FAM120AOS: variants seen among roughly 807,000 people sequenced by gnomAD.
The protein encoded by FAM120AOS is uncharacterized protein FAM120AOS.
In FAM120AOS, 15 loss-of-function variants were observed where a neutral mutation model predicts 20.2. The observed-to-expected ratio is 0.74, with a 90% CI of 0.50 to 1.15. FAM120AOS has a LOEUF of 1.15. Among genes scored for constraint, FAM120AOS ranks in the 50% most tolerant of loss-of-function variants. The pLI is 0.00. For synonymous variants in FAM120AOS, 154 were observed against 154.0 expected (o/e 1.00, Z 0.00); for missense variants, 327 against 351.9 (o/e 0.93, Z 0.57).
chr9:93,450,728 C>A (rs1290461171), intron 1 of FAM120AOS, 129 bp from the exon 2 acceptor site: 2 of 1,393,552 alleles, frequency 1.4e-6, no homozygotes, highest in Non-Finnish European at 2.0e-6. Context: ...TTTATGCAAG[C>A]CTAATATACA....
rs778765910 is a variant in FAM120AOS at position 93,447,566 on chromosome 9, G to T, written c.*45C>A. ...CCCTCACACGATGGGTATCAGGGTGGTTTCTTGTCCTTTCAATGCCTCTGC... is the reference window on the plus strand; with the variant it reads ...CCCTCACACGATGGGTATCAGGGTGTTTTCTTGTCCTTTCAATGCCTCTGC... On this transcript the variant is annotated 3_prime_UTR_variant, in exon 3 of 3. Transcript: ENST00000375412. 4 of 1,563,356 alleles carry T rather than the reference G, an allele frequency of 2.6e-6. No homozygotes were observed. In the East Asian group the frequency reaches 9.0e-5, roughly 35 times the overall value.
Position 93,450,625 on chromosome 9 carries a change from A to C in FAM120AOS, c.564-26T>G, listed in dbSNP as rs774165687. On this transcript the variant is annotated intron_variant, in intron 1 of 2. Transcript: ENST00000375412. Reference sequence around the variant, plus strand: ...CTCCAAAAAAAGAACAAATGGAGAGATGAAGGTAAGTAAAAGCGGCACTTT... The same window carrying C: ...CTCCAAAAAAAGAACAAATGGAGAGCTGAAGGTAAGTAAAAGCGGCACTTT... 1 of 1,608,812 alleles carries C rather than the reference A, an allele frequency of 6.2e-7. No homozygotes were observed. The highest frequency in any genetic ancestry group is 1.1e-5 in the South Asian group (1 of 90,548).
chr9:93,450,867 G>C (rs1857122990), intron 1 of FAM120AOS: 2 of 912,680 alleles, frequency 2.2e-6, no homozygotes, highest in South Asian at 1.4e-5. Flanking sequence ...GAAGAGCTGG[G>C]AGATCCACTG....
chr9:93,444,330 G>A lies in FAM120AOS; in HGVS notation c.*3281C>T, dbSNP rs978110491. Among the ~76,000 whole-genome samples, 7 of 152,226 alleles carry A rather than the reference G, an allele frequency of 4.6e-5. No individual in the cohort carries two copies. The highest frequency in any genetic ancestry group is 1.2e-4 in the African/African-American group (5 of 41,536). On this transcript the variant is annotated 3_prime_UTR_variant, in exon 3 of 3. Coordinates refer to ENST00000375412, the MANE Select transcript of FAM120AOS (RefSeq NM_198841.4). The stretch of plus-strand genomic sequence containing the variant: ...GCTGGGATGACAGGCGTGAGCCACC[G>A]TGTCCAGCCTGACTAGGGTCATCTT...
chr9:93,452,138 C>T lies in FAM120AOS; in HGVS notation c.563+9G>A, dbSNP rs1461832158. The T allele has an allele frequency of 1.2e-6, 2 of 1,611,622 alleles. No individual in the cohort carries two copies. Among genetic ancestry groups the T allele is most frequent in the Non-Finnish European group, 1.7e-6 (2 of 1,179,770 alleles). On this transcript the variant is annotated intron_variant, in intron 1 of 2. Transcript: ENST00000375412. The surrounding 1 kb of genome is among the most constrained non-coding windows in gnomAD (Gnocchi z 7.0). ...CAGCGGCGGCCAGTGGAACCACATG[C>T]TTGGCTACCTGGCGGCGCTGGCCAA...
Position 93,450,545 on chromosome 9 carries a change from C to A in FAM120AOS, c.618G>T (p.Leu206=). The change falls in exon 2 of 3, where the codon CTG becomes CTT. Residue 206 remains leucine, a synonymous_variant. Coordinates refer to ENST00000375412, the MANE Select transcript of FAM120AOS (RefSeq NM_198841.4). The part of the protein sequence containing the change: ...CNRQAVAGQL[L]PSTWSLHAHG... The stretch of plus-strand genomic sequence containing the variant: ...GCGCGTGCAGGCTCCATGTGCTGGG[C>A]AGCAGCTGTCCGGCCACAGCCTGTC... The A allele has an allele frequency of 6.2e-7, 1 of 1,607,196 alleles. No homozygotes were observed. The highest frequency in any genetic ancestry group is 8.5e-7 in the Non-Finnish European group (1 of 1,176,310).
chr9:93,443,627 C>T lies in FAM120AOS; in HGVS notation c.*3984G>A, dbSNP rs115557799. 1.0e-3 allele frequency among the ~76,000 whole-genome samples: 159 copies of T among 152,290 alleles called. 1 individual carries two copies. The highest frequency in any genetic ancestry group is 3.6e-3 in the African/African-American group (151 of 41,558). On this transcript the variant is annotated 3_prime_UTR_variant, in exon 3 of 3. Transcript: ENST00000375412. ...CCTCGTTAGCCTTAGTCTGCAGGTC[C>T]TGCGTTGCCTTCTGTTTGGTGGTGG...
intron 1 of FAM120AOS, chr9:93,451,464 C>A: frequency 1.8e-6 from 2 of 1,129,602 alleles, no homozygotes; most frequent in Non-Finnish European, 2.2e-6. Context: ...CTCTGGCCTC[C>A]AGGCGCTGCC....
Position 93,443,373 on chromosome 9 carries a change from C to T in FAM120AOS, c.*4238G>A, listed in dbSNP as rs1856757010. ...TTATTGTTTCCTTATACATTTCTAA[C>T]AGTACAAGATTATCAATGTTTTGAC... is the stretch of plus-strand genomic sequence containing the variant. On this transcript the variant is annotated 3_prime_UTR_variant, in exon 3 of 3. Transcript: ENST00000375412. Among the ~76,000 whole-genome samples the T allele has an allele frequency of 6.6e-6, 1 of 152,050 alleles. No individual in the cohort carries two copies. Among genetic ancestry groups the T allele is most frequent in the African/African-American group, 2.4e-5 (1 of 41,388 alleles).
In FAM120AOS at chr9:93,445,016, C is replaced by T. The variant is rs921036349; in HGVS notation, c.*2595G>A. Among the ~76,000 whole-genome samples, 6 of 152,068 alleles carry T rather than the reference C, an allele frequency of 3.9e-5. No homozygotes were observed. The highest frequency in any genetic ancestry group is 3.2e-3 in the Middle Eastern group (1 of 316). ...TTAAATAAATGGAAAAAAAGACAAA[C>T]GGTACAAATTAAAAGTTCTTGAGAT... is the stretch of plus-strand genomic sequence containing the variant. On this transcript the variant is annotated 3_prime_UTR_variant, in exon 3 of 3. Transcript: ENST00000375412.
rs1278591997 is a variant in FAM120AOS, at chr9:93,446,612, C to T, written c.*999G>A. On this transcript the variant is annotated 3_prime_UTR_variant, in exon 3 of 3. Transcript: ENST00000375412. Reference sequence around the variant, plus strand: ...CTTAAGAGAGAATATATATACTCAACTGAGTACTGTCTTTCAAAGCAGTCC... The same window carrying T: ...CTTAAGAGAGAATATATATACTCAATTGAGTACTGTCTTTCAAAGCAGTCC... 6.6e-6 allele frequency: 1 copy of T among 152,138 alleles called. No individual in the cohort carries two copies. Among genetic ancestry groups the T allele is most frequent in the Non-Finnish European group, 1.5e-5 (1 of 68,032 alleles). 9.4% of individuals were successfully genotyped at this position (152,138 alleles called of 1,614,324 possible). A position where few individuals can be genotyped will look rare whatever the true frequency, so the allele number is the denominator to read the frequency against.
intron 1 of FAM120AOS, chr9:93,451,939 C>G: frequency 6.6e-7 from 1 of 1,522,468 alleles, no homozygotes; most frequent in Non-Finnish European, 8.8e-7. Flanking sequence ...GCTTCCAGGA[C>G]TACATCGAGA....
At position 93,446,167 on chromosome 9, in the gene FAM120AOS, CTCG is replaced by C. The variant is rs1856839833; in HGVS notation, c.*1441_*1443del. ...AGGCACTTTCATTCTTCCTGGAGCT[CTCG>C]TCAACCCTGACCTCTTCCTTTGTCA... On this transcript the variant is annotated 3_prime_UTR_variant, in exon 3 of 3. Coordinates refer to ENST00000375412, the MANE Select transcript of FAM120AOS (RefSeq NM_198841.4). 5.3e-5 allele frequency among the ~76,000 whole-genome samples: 8 copies of C among 152,198 alleles called. No homozygotes were observed. In the South Asian group the frequency reaches 1.7e-3, roughly 32 times the overall value.
At position 93,452,878 on chromosome 9, in the gene FAM120AOS, G is replaced by C. The variant is rs940306937; in HGVS notation, c.-169C>G. Reference sequence around the variant, plus strand: ...CTTGGGGGCTGCAAATATCAGTGCTGCTGCCGCCGCCCTTGCCAATGTTGT... The same window carrying C: ...CTTGGGGGCTGCAAATATCAGTGCTCCTGCCGCCGCCCTTGCCAATGTTGT... On this transcript the variant is annotated 5_prime_UTR_variant, in exon 1 of 3. Coordinates refer to ENST00000375412, the MANE Select transcript of FAM120AOS (RefSeq NM_198841.4). The surrounding 1 kb of genome is among the most constrained non-coding windows in gnomAD (Gnocchi z 7.0). The C allele has an allele frequency of 2.1e-5, 31 of 1,453,134 alleles. No homozygotes were observed. The highest frequency in any genetic ancestry group is 7.2e-5 in the South Asian group (5 of 69,804). The allele number at this position is 1,453,134 out of a possible 1,614,324, so 90.0% of individuals were successfully genotyped here.
chr9:93,450,522 G>C lies in FAM120AOS; in HGVS notation c.641C>G (p.Ala214Gly), dbSNP rs373071458. The C allele has an allele frequency of 5.0e-6, 8 of 1,602,196 alleles. No homozygotes were observed. The highest frequency in any genetic ancestry group is 5.1e-6 in the Non-Finnish European group (6 of 1,174,498). Residue 214 changes from alanine (A) to glycine (G), a missense_variant, in exon 2 of 3, where the codon GCG becomes GGG. By Grantham distance (60) the Ala-to-Gly change is moderately conservative. Transcript: ENST00000375412. ...QLLPSTWSLH[A>G]HGLAKEAPIL... The stretch of plus-strand genomic sequence containing the variant: ...GGGGGCTTCTTTGGCCAAACCGTGC[G>C]CGTGCAGGCTCCATGTGCTGGGCAG...
In FAM120AOS at chr9:93,452,556, G is replaced by A; in HGVS notation, c.154C>T (p.Arg52Trp). The A allele has an allele frequency of 1.9e-6, 3 of 1,584,306 alleles. No homozygotes were observed. The highest frequency in any genetic ancestry group is 1.7e-5 in the Admixed American group (1 of 57,150). ...RAWAARGLHP[R>W]PSILQPGPAR... ...GGGCCGGGCTGCAAGATGGATGGCCGCGGGTGCAGGCCGCGCGCTGCCCAA... is the reference window on the plus strand; with the variant it reads ...GGGCCGGGCTGCAAGATGGATGGCCACGGGTGCAGGCCGCGCGCTGCCCAA... Residue 52 changes from arginine to tryptophan, a missense_variant, in exon 1 of 3, where the codon CGG becomes TGG. Physicochemically the swap from Arg to Trp is moderately radical, Grantham distance 101. Transcript: ENST00000375412. This position sits in a 1 kb window ranked among gnomAD's most constrained non-coding sequence, Gnocchi z 7.0.
chr9:93,452,938 G>A lies in FAM120AOS; in HGVS notation c.-229C>T. The A allele has an allele frequency of 1.4e-6, 2 of 1,409,946 alleles. No individual in the cohort carries two copies. Among genetic ancestry groups the A allele is most frequent in the South Asian group, 1.5e-5 (1 of 64,580 alleles). The allele number at this position is 1,409,946 out of a possible 1,614,324, so 87.3% of individuals were successfully genotyped here. A position where few individuals can be genotyped will look rare whatever the true frequency, so the allele number is the denominator to read the frequency against. On this transcript the variant is annotated 5_prime_UTR_variant, in exon 1 of 3. Transcript: ENST00000375412. The surrounding 1 kb of genome is among the most constrained non-coding windows in gnomAD (Gnocchi z 7.0). ...GACAGCGAGACGTGTCTAAGGGCCA[G>A]TGCCCTGGCCTCTACTTCAGAACGC...
rs1015983979 is a variant in FAM120AOS, at chr9:93,453,122, T to G, written c.-413A>C. 9.9e-7 allele frequency: 1 copy of G among 1,011,488 alleles called. No individual in the cohort carries two copies. The highest frequency in any genetic ancestry group is 1.2e-6 in the Non-Finnish European group (1 of 847,292). The allele number at this position is 1,011,488 out of a possible 1,614,324, so 62.7% of individuals were successfully genotyped here. On this transcript the variant is annotated 5_prime_UTR_variant, in exon 1 of 3. Transcript: ENST00000375412. ...AAAGAGGTCTTTAAGGCAGTTCGGT[T>G]TTGTAGATCCCATGCGAAAGGAGTC...
Position 93,447,785 on chromosome 9 carries a change from C to T in FAM120AOS, c.685-88G>A, listed in dbSNP as rs144584602. 3.0e-5 allele frequency: 33 copies of T among 1,107,416 alleles called. No homozygotes were observed. The African/African-American group carries it at 3.1e-4, about 10-fold the overall frequency. 68.6% of individuals were successfully genotyped at this position (1,107,416 alleles called of 1,614,324 possible). On this transcript the variant is annotated intron_variant, in intron 2 of 2. Coordinates refer to ENST00000375412, the MANE Select transcript of FAM120AOS (RefSeq NM_198841.4). ...TGGTCTCCAGAGTCCGAATATTGAT[C>T]TCTGTGGAGCTCTCCTACCCTCTGC...
Sources: allele counts gnomAD v4.1 joint callset (sites outside exome capture counted in the v4.1 genomes callset), GRCh38; gene constraint gnomAD v4.1.1; non-coding constraint Gnocchi (gnomAD v3.1); transcripts MANE v1.5; gene names NCBI Gene and HGNC (gene_info 2026-07-23, HGNC 2026-07-21).